HIBADH: variants seen among roughly 807,000 people sequenced by gnomAD.
HIBADH encodes the protein 3-hydroxyisobutyrate dehydrogenase.
In HIBADH, 25 loss-of-function variants were observed where a neutral mutation model predicts 36.1. That is an observed-to-expected ratio of 0.69 (90% CI 0.50 to 0.97). HIBADH has a LOEUF of 0.97. Among genes scored for constraint, HIBADH ranks in the 50% least tolerant of loss-of-function variants. The pLI, the probability that HIBADH is intolerant of heterozygous loss-of-function variation, is 0.00. For missense variants in HIBADH, 421 were observed against 418.0 expected (o/e 1.01, Z -0.06); for synonymous variants, 160 against 149.5 (o/e 1.07, Z -0.51).
In HIBADH at chr7:27,576,917, A is replaced by G. The variant is rs529099249; in HGVS notation, c.485-33817T>C. Reference sequence around the variant, plus strand: ...TAATACAATTGTCATGCTACTATCTATTCACTGCCTATACACACGGGACAC... The same window carrying G: ...TAATACAATTGTCATGCTACTATCTGTTCACTGCCTATACACACGGGACAC... On this transcript the variant is annotated intron_variant, in intron 4 of 7. Coordinates refer to ENST00000265395, the MANE Select transcript of HIBADH (RefSeq NM_152740.4). 7.2e-5 allele frequency among the ~76,000 whole-genome samples: 11 copies of G among 152,292 alleles called. No individual in the cohort carries two copies. In the South Asian group the frequency reaches 2.1e-3, roughly 29 times the overall value.
At chr7:27,653,645 G>A (rs1202353885) in intron 1 of HIBADH, among the ~76,000 whole-genome samples, 5 of 152,008 alleles carry the variant, frequency 3.3e-5, no homozygotes, top group Non-Finnish European at 5.9e-5. Flanking sequence ...GCTGAGGCAG[G>A]AGAATGGCAT....
At chr7:27,563,776 A>T (rs990862552) in intron 4 of HIBADH, among the ~76,000 whole-genome samples, 7 of 152,114 alleles carry the variant, frequency 4.6e-5, no homozygotes, top group African/African-American at 1.7e-4. Flanking sequence ...CTTTTGAGAA[A>T]TGTTTATACA....
intron 2 of HIBADH, among the ~76,000 whole-genome samples, chr7:27,647,968 T>A (rs941552488): frequency 6.6e-6 from 1 of 152,186 alleles, no homozygotes; most frequent in Admixed American, 6.5e-5. Context: ...CACTCTTTGG[T>A]TAAATTCTGT....
intron 3 of HIBADH, among the ~76,000 whole-genome samples, chr7:27,631,164 G>C (rs1176584231): frequency 6.6e-6 from 1 of 152,178 alleles, no homozygotes; most frequent in African/African-American, 2.4e-5. Flanking sequence ...TGTCTCCTCA[G>C]AAGTTTTTAG....
At chr7:27,591,662 A>G (rs928390919) in intron 4 of HIBADH, among the ~76,000 whole-genome samples, 1 of 152,208 alleles carries the variant, frequency 6.6e-6, no homozygotes, top group African/African-American at 2.4e-5. Context: ...ATCTGCAAGC[A>G]TTTACATATA....
At chr7:27,644,590 A>C in intron 2 of HIBADH, among the ~76,000 whole-genome samples, 1 of 107,358 alleles carries the variant, frequency 9.3e-6, no homozygotes, top group Non-Finnish European at 1.8e-5. Context: ...ACAGAGCAAG[A>C]CTCCATCTCA....
intron 4 of HIBADH, among the ~76,000 whole-genome samples, chr7:27,588,535 T>C (rs1306232476): frequency 6.6e-6 from 1 of 151,440 alleles, no homozygotes; most frequent in Non-Finnish European, 1.5e-5. Context: ...CTTGCTGTGT[T>C]GCCCATGCTG....
chr7:27,646,938 C>T lies in HIBADH; in HGVS notation c.252+2535G>A, dbSNP rs1229679250. 2.0e-5 allele frequency among the ~76,000 whole-genome samples: 3 copies of T among 152,038 alleles called. No homozygotes were observed. The South Asian group carries it at 6.2e-4, about 32-fold the overall frequency. ...CTTGAACTCCTGGCCTCAGGTGATC[C>T]GCCTGCCTTGGCCTCCCAAAATGCT... On this transcript the variant is annotated intron_variant, in intron 2 of 7. Coordinates refer to ENST00000265395, the MANE Select transcript of HIBADH (RefSeq NM_152740.4).
intron 4 of HIBADH, among the ~76,000 whole-genome samples, chr7:27,591,550 C>CA (rs11356347): frequency 2.4e-4 from 34 of 142,020 alleles, no homozygotes; most frequent in East Asian, 8.3e-4. Flanking sequence ...GACTCCGTCT[C>CA]AAAAAAAAAA....
At chr7:27,646,414 C>T (rs1240695663) in intron 2 of HIBADH, among the ~76,000 whole-genome samples, 4 of 152,224 alleles carry the variant, frequency 2.6e-5, no homozygotes, top group Non-Finnish European at 5.9e-5. Context: ...ATTCACTACA[C>T]AGTGGTAACC....
intron 4 of HIBADH, among the ~76,000 whole-genome samples, chr7:27,615,155 G>T (rs1452211077): frequency 6.6e-6 from 1 of 152,136 alleles, no homozygotes; most frequent in East Asian, 1.9e-4. Context: ...AGTTGCCGGG[G>T]TAAATAAAAT....
chr7:27,616,633 T>C (rs1785433482), intron 4 of HIBADH, among the ~76,000 whole-genome samples: 1 of 152,144 alleles, frequency 6.6e-6, no homozygotes, highest in East Asian at 1.9e-4. Context: ...AACTGATTTT[T>C]CTATTTTTTG....
intron 6 of HIBADH, among the ~76,000 whole-genome samples, chr7:27,535,618 C>G (rs1784060842): frequency 6.6e-6 from 1 of 152,110 alleles, no homozygotes; most frequent in African/African-American, 2.4e-5. Context: ...AACAAAACCT[C>G]TCTAATACAA....
At chr7:27,573,072 A>G (rs1469110450) in intron 4 of HIBADH, among the ~76,000 whole-genome samples, 2 of 152,198 alleles carry the variant, frequency 1.3e-5, no homozygotes, top group Non-Finnish European at 2.9e-5. Context: ...AATTCTGTGT[A>G]AAGTGATCTG....
At chr7:27,645,074 T>C (rs930802154) in intron 2 of HIBADH, among the ~76,000 whole-genome samples, 4 of 152,230 alleles carry the variant, frequency 2.6e-5, no homozygotes, top group Admixed American at 2.6e-4. Flanking sequence ...GATAGATTTT[T>C]GCGTTGTTTC....
intron 4 of HIBADH, among the ~76,000 whole-genome samples, chr7:27,602,527 T>C (rs1785148426): frequency 6.6e-6 from 1 of 152,112 alleles, no homozygotes; most frequent in Non-Finnish European, 1.5e-5. Context: ...AAACTTGACT[T>C]TTCATCCCTC....
At chr7:27,589,272 T>G (rs1784907531) in intron 4 of HIBADH, among the ~76,000 whole-genome samples, 1 of 152,226 alleles carries the variant, frequency 6.6e-6, no homozygotes, top group Non-Finnish European at 1.5e-5. Flanking sequence ...TAGGAAAACC[T>G]TAATTTTTTT....
intron 4 of HIBADH, among the ~76,000 whole-genome samples, chr7:27,549,895 AC>A (rs1436538802): frequency 1.3e-5 from 2 of 152,042 alleles, no homozygotes; most frequent in African/African-American, 4.8e-5. Flanking sequence ...ATTCACTATT[AC>A]TTAGCATTTC....
intron 4 of HIBADH, among the ~76,000 whole-genome samples, chr7:27,607,933 T>C (rs866704255): frequency 6.6e-6 from 1 of 152,212 alleles, no homozygotes; most frequent in African/African-American, 2.4e-5. Context: ...ATGGACATAG[T>C]ACATTAAATA....
Sources: allele counts gnomAD v4.1 joint callset (sites outside exome capture counted in the v4.1 genomes callset), GRCh38; gene constraint gnomAD v4.1.1; transcripts MANE v1.5; gene names NCBI Gene and HGNC (gene_info 2026-07-23, HGNC 2026-07-21).